Variants in BOP1 observed in about 807,000 individuals in gnomAD.
The protein encoded by BOP1 is BOP1 ribosomal biogenesis factor, also known as ribosome biogenesis protein BOP1.
Under a neutral mutation model 82.9 loss-of-function variants are expected in BOP1, and 54 were observed. The observed-to-expected ratio is 0.65, with a 90% confidence interval of 0.52 to 0.82. The LOEUF (loss-of-function observed/expected upper bound fraction) is 0.82. Among genes scored for constraint, BOP1 ranks in the 40% least tolerant of loss-of-function variants. The pLI, the probability that BOP1 is intolerant of heterozygous loss-of-function variation, is 0.00. For missense variants in BOP1, 1,170 were observed against 1,072.0 expected (o/e 1.09, Z -1.28); for synonymous variants, 566 against 451.1 (o/e 1.25, Z -3.23).
chr8:144,265,030 G>T lies in BOP1; in HGVS notation c.432C>A (p.Tyr144Ter). The T allele has an allele frequency of 6.2e-7, 1 of 1,612,208 alleles. No homozygotes were observed. The highest frequency in any genetic ancestry group is 8.5e-7 in the Non-Finnish European group (1 of 1,179,728). ...CGTAGCCCACGTGGGGGAAGTCATC[G>T]TACCACTCCAAGGGCACGTTGCCCA... ...NTVGNVPLEW[Y>*]DDFPHVGYDL... is the part of the protein sequence containing the mutation. Residue 144 changes from tyrosine (Y) to a stop codon, truncating the protein, a stop_gained, in exon 4 of 16, where the codon TAC (tyrosine) becomes TAA (stop). Coordinates refer to ENST00000569669, the MANE Select transcript of BOP1 (RefSeq NM_015201.5). LOFTEE classifies it high-confidence loss of function.
chr8:144,269,276 C>A (rs1229032791), intron 3 of BOP1, among the ~76,000 whole-genome samples: 2 of 152,250 alleles, frequency 1.3e-5, no homozygotes, highest in African/African-American at 4.8e-5. Flanking sequence ...GGACCACCTC[C>A]CCCCAACCCT....
At chr8:144,267,069 G>GGC (rs1845388291) in intron 3 of BOP1, 1 of 1,408,894 alleles carries the variant, frequency 7.1e-7, no homozygotes, top group Non-Finnish European at 9.2e-7. Flanking sequence ...TCTTCCACGC[G>GGC]GCGCGCGCCG....
At chr8:144,271,611 A>G (rs1023645459) in intron 3 of BOP1, among the ~76,000 whole-genome samples, 2 of 152,202 alleles carry the variant, frequency 1.3e-5, no homozygotes, top group Middle Eastern at 3.4e-3. Context: ...GGGCAAGGCC[A>G]GGGCGGGAGG....
At chr8:144,274,401 G>A (rs1189063644) in intron 3 of BOP1, among the ~76,000 whole-genome samples, 3 of 152,190 alleles carry the variant, frequency 2.0e-5, no homozygotes, top group Non-Finnish European at 4.4e-5. Context: ...GCTGCAGGCT[G>A]TCTCCCACCT....
At chr8:144,287,369 G>A (rs1554839589) in intron 2 of BOP1, among the ~76,000 whole-genome samples, 1 of 152,130 alleles carries the variant, frequency 6.6e-6, no homozygotes, top group East Asian at 1.9e-4. Flanking sequence ...TTTAAAAAGG[G>A]ACAGAAGACC....
intron 2 of BOP1, among the ~76,000 whole-genome samples, chr8:144,279,802 GACC>G (rs782247084): frequency 3.9e-5 from 6 of 152,186 alleles, no homozygotes; most frequent in Non-Finnish European, 8.8e-5. Flanking sequence ...TGGCACAGGA[GACC>G]ACGTCCTTGC....
Position 144,262,063 on chromosome 8 carries a change from G to A in BOP1, c.*101C>T, listed in dbSNP as rs1260618604. ...TCGGCGCTGTGGTGGGGGCGGCTTT[G>A]TTGGCAACCCCAATTCAAGAAGGTG... On this transcript the variant is annotated 3_prime_UTR_variant, in exon 16 of 16. Transcript: ENST00000569669. 1.5e-5 allele frequency: 24 copies of A among 1,559,290 alleles called. No homozygotes were observed. The highest frequency in any genetic ancestry group is 2.0e-5 in the Non-Finnish European group (23 of 1,144,118).
intron 2 of BOP1, among the ~76,000 whole-genome samples, chr8:144,288,702 G>A (rs1427656368): frequency 6.6e-6 from 1 of 152,170 alleles, no homozygotes; most frequent in Non-Finnish European, 1.5e-5. Flanking sequence ...TGTGGGGTCA[G>A]GCCCAGCTGG....
intron 2 of BOP1, among the ~76,000 whole-genome samples, chr8:144,287,675 T>A (rs185444095): frequency 6.6e-6 from 1 of 152,240 alleles, no homozygotes; most frequent in Non-Finnish European, 1.5e-5. Context: ...CAGTATTGTA[T>A]CATTTTAAAA....
chr8:144,267,114 C>T, intron 3 of BOP1: 3 of 1,471,888 alleles, frequency 2.0e-6, no homozygotes, highest in South Asian at 2.7e-5. Flanking sequence ...CGCCTCCCGC[C>T]CGCGACGGCG....
chr8:144,268,962 C>T (rs1554837514), intron 3 of BOP1, among the ~76,000 whole-genome samples: 1 of 152,178 alleles, frequency 6.6e-6, no homozygotes, highest in African/African-American at 2.4e-5. Context: ...GCTCCCAGCC[C>T]CAGCGAGGGC....
rs1357156167 is a variant in BOP1, at chr8:144,263,818, A to T, written c.1221+13T>A. 1.6e-5 allele frequency: 25 copies of T among 1,610,362 alleles called. No homozygotes were observed. Among genetic ancestry groups the T allele is most frequent in the South Asian group, 1.4e-4 (13 of 90,744 alleles). ...TGGGAGGGTGCAACCCCAGCCCCCT[A>T]GTCTCCACTTACCAGGGCCTGGCAC... On this transcript the variant is annotated intron_variant, in intron 9 of 15. Coordinates refer to ENST00000569669, the MANE Select transcript of BOP1 (RefSeq NM_015201.5).
rs1845195410 is a variant in BOP1, at chr8:144,262,127, TCAG to T, written c.*34_*36del. ...GCACAGGGTAAAGGCTCTGTTGACT[TCAG>T]CACGACCACCCCAGCCCCAGGCAGG... On this transcript the variant is annotated 3_prime_UTR_variant, in exon 16 of 16. Transcript: ENST00000569669. 5.6e-6 allele frequency: 9 copies of T among 1,610,710 alleles called. No individual in the cohort carries two copies.
At chr8:144,282,162 G>A (rs1163203608) in intron 2 of BOP1, among the ~76,000 whole-genome samples, 3 of 152,242 alleles carry the variant, frequency 2.0e-5, no homozygotes, top group Non-Finnish European at 2.9e-5. Flanking sequence ...GGGACAGGAA[G>A]CGAGGCACAG....
chr8:144,280,540 C>A (rs1297677375), intron 2 of BOP1, among the ~76,000 whole-genome samples: 2 of 152,262 alleles, frequency 1.3e-5, no homozygotes, highest in Non-Finnish European at 2.9e-5. Context: ...TGCTCCGGCA[C>A]AGGCCAAACT....
chr8:144,274,949 G>A (rs999860715), intron 3 of BOP1, among the ~76,000 whole-genome samples: 54 of 152,328 alleles, frequency 3.5e-4, no homozygotes, highest in African/African-American at 1.1e-3. Context: ...AGTGCGCGGC[G>A]TGGCCCCCCC....
At chr8:144,289,422 A>C in intron 1 of BOP1, 118 bp from the exon 2 acceptor site, 1 of 1,019,940 alleles carries the variant, frequency 9.8e-7, no homozygotes. Flanking sequence ...TGTGGCCTCC[A>C]GGACCACACC....
chr8:144,277,765 C>T (rs1358344584), intron 2 of BOP1, among the ~76,000 whole-genome samples: 4 of 71,154 alleles, frequency 5.6e-5, no homozygotes, highest in Non-Finnish European at 7.8e-5. Flanking sequence ...GGGGCGACGG[C>T]GCTCAGCCAG....
intron 3 of BOP1, chr8:144,266,427 A>G: frequency 7.0e-6 from 6 of 858,124 alleles, no homozygotes; most frequent in African/African-American, 1.8e-5. Context: ...ACGCCGCTAT[A>G]AAGGCGCAGC....
Sources: allele counts gnomAD v4.1 joint callset (sites outside exome capture counted in the v4.1 genomes callset), GRCh38; gene constraint gnomAD v4.1.1; transcripts MANE v1.5; gene names NCBI Gene and HGNC (gene_info 2026-07-23, HGNC 2026-07-21).